MYO1E: variants seen among roughly 807,000 people sequenced by gnomAD.
MYO1E encodes unconventional myosin-Ie.
In MYO1E, 68 loss-of-function variants were observed where a neutral mutation model predicts 151.1. The ratio of observed to expected loss-of-function variants is 0.45; its 90% CI spans 0.37 to 0.55. MYO1E has a LOEUF of 0.55. Among genes scored for constraint, MYO1E ranks in the 20% least tolerant of loss-of-function variants. MYO1E has a pLI of 0.00. For synonymous variants in MYO1E, 601 were observed against 501.7 expected (o/e 1.20, Z -2.64); for missense variants, 1,363 against 1,389.3 (o/e 0.98, Z 0.30).
At chr15:59,230,320 T>C (rs1325159271) in intron 6 of MYO1E, among the ~76,000 whole-genome samples, 5 of 151,906 alleles carry the variant, frequency 3.3e-5, no homozygotes, top group African/African-American at 7.2e-5. Flanking sequence ...AATTTTGCAA[T>C]TAGAAAAATA....
chr15:59,150,963 T>C (rs1028458497), intron 26 of MYO1E, among the ~76,000 whole-genome samples: 7 of 145,242 alleles, frequency 4.8e-5, no homozygotes, highest in Non-Finnish European at 7.6e-5. Context: ...TGGTGGGATA[T>C]AGCTACTTAC....
intron 7 of MYO1E, among the ~76,000 whole-genome samples, chr15:59,225,795 C>T (rs1408190335): frequency 1.3e-5 from 2 of 152,042 alleles, no homozygotes; most frequent in Non-Finnish European, 2.9e-5. Flanking sequence ...TACAGGCGCC[C>T]ACCACCACGG....
At chr15:59,229,404 A>T (rs2080012107) in intron 6 of MYO1E, among the ~76,000 whole-genome samples, 1 of 152,236 alleles carries the variant, frequency 6.6e-6, no homozygotes, top group Admixed American at 6.5e-5. Flanking sequence ...CTCTAACATA[A>T]TAAAATGCAT....
At chr15:59,298,603 C>T (rs1310743772) in intron 1 of MYO1E, among the ~76,000 whole-genome samples, 3 of 152,286 alleles carry the variant, frequency 2.0e-5, no homozygotes, top group Non-Finnish European at 4.4e-5. Context: ...GTGAACCTCA[C>T]CCCTGCTCCA....
intron 18 of MYO1E, among the ~76,000 whole-genome samples, chr15:59,186,237 T>A (rs1596356699): frequency 6.6e-6 from 1 of 152,180 alleles, no homozygotes; most frequent in Non-Finnish European, 1.5e-5. Context: ...TCTGACGCTT[T>A]ATTATACAAA....
At chr15:59,209,534 G>A (rs1195740629) in intron 13 of MYO1E, among the ~76,000 whole-genome samples, 1 of 151,948 alleles carries the variant, frequency 6.6e-6, no homozygotes, top group African/African-American at 2.4e-5. Context: ...AAATTAGCCA[G>A]GTGTGGTGGT....
At position 59,133,662 on chromosome 15, in the gene MYO1E, C is replaced by T. The variant is rs1041673281; in HGVS notation, c.*3718G>A. The T allele has an allele frequency of 5.3e-5, 8 of 152,176 alleles. No homozygotes were observed. The highest frequency in any genetic ancestry group is 5.9e-5 in the Non-Finnish European group (4 of 68,062). The allele number at this position is 152,176 out of a possible 1,614,324, so 9.4% of individuals were successfully genotyped here. A position where few individuals can be genotyped will look rare whatever the true frequency, so the allele number is the denominator to read the frequency against. ...TTGCAGAAAGGCTCCTCTGGTCTTT[C>T]TTTTGATCACAAAAGTGAGGGGTGC... is the stretch of plus-strand genomic sequence containing the variant. On this transcript the variant is annotated 3_prime_UTR_variant, in exon 28 of 28. Coordinates refer to ENST00000288235, the MANE Select transcript of MYO1E (RefSeq NM_004998.4).
intron 1 of MYO1E, among the ~76,000 whole-genome samples, chr15:59,324,614 C>A (rs2140419101): frequency 6.6e-6 from 1 of 151,580 alleles, no homozygotes; most frequent in South Asian, 2.1e-4. Flanking sequence ...CTCCCTGAAA[C>A]CCAGGTGGGA....
At chr15:59,323,770 G>A (rs1306042252) in intron 1 of MYO1E, among the ~76,000 whole-genome samples, 1 of 152,144 alleles carries the variant, frequency 6.6e-6, no homozygotes, top group Non-Finnish European at 1.5e-5. Context: ...GAGGGGAGGA[G>A]GACCTGGAAG....
rs1291124805 is a variant in MYO1E, at chr15:59,372,479, C to G, written c.3+19G>C. 6.5e-7 allele frequency: 1 copy of G among 1,538,526 alleles called. No homozygotes were observed. The highest frequency in any genetic ancestry group is 1.4e-5 in the African/African-American group (1 of 72,780). On this transcript the variant is annotated intron_variant, in intron 1 of 27. Transcript: ENST00000288235. ...CGTCCCCGGGTCCGGCGTCCTAGGA[C>G]GCGGCGCGGCCAACTCACCATGGTG...
At chr15:59,292,672 C>A (rs1274990369) in intron 1 of MYO1E, among the ~76,000 whole-genome samples, 1 of 152,190 alleles carries the variant, frequency 6.6e-6, no homozygotes, top group Admixed American at 6.6e-5. Flanking sequence ...GCTGTAGTAA[C>A]CTTCACTATG....
At chr15:59,268,069 G>A (rs2080267051) in intron 2 of MYO1E, among the ~76,000 whole-genome samples, 1 of 152,206 alleles carries the variant, frequency 6.6e-6, no homozygotes, top group Admixed American at 6.5e-5. Flanking sequence ...ATAACTCAAT[G>A]TGAAATCAAG....
In MYO1E at chr15:59,257,521, C is replaced by CTTACTTAATCCATCTTT. The variant is rs573154074; in HGVS notation, c.238-1144_238-1143insAAAGATGGATTAAGTAA. Among the ~76,000 whole-genome samples, 136 of 152,322 alleles carry CTTACTTAATCCATCTTT rather than the reference C, an allele frequency of 8.9e-4. 2 individuals are homozygous for CTTACTTAATCCATCTTT. In the East Asian group the frequency reaches 0.019, roughly 21 times the overall value. ...AGTGATATACAAAGGTGAAGCTTAACGTACTTAATCCATCTTTGGATTAAT... is the reference window on the plus strand; with the variant it reads ...AGTGATATACAAAGGTGAAGCTTAACTTACTTAATCCATCTTTGTACTTAATCCATCTTTGGATTAAT... On this transcript the variant is annotated intron_variant, in intron 3 of 27. Transcript: ENST00000288235.
Position 59,195,357 on chromosome 15 carries a change from C to A in MYO1E, c.1805+104G>T, listed in dbSNP as rs576052564. 3.0e-6 allele frequency: 3 copies of A among 994,510 alleles called. No homozygotes were observed. In the South Asian group the frequency reaches 3.9e-5, roughly 13 times the overall value. The allele number at this position is 994,510 out of a possible 1,614,324, so 61.6% of individuals were successfully genotyped here. A position where few individuals can be genotyped will look rare whatever the true frequency, so the allele number is the denominator to read the frequency against. On this transcript the variant is annotated intron_variant, in intron 17 of 27. Coordinates refer to ENST00000288235, the MANE Select transcript of MYO1E (RefSeq NM_004998.4). The stretch of plus-strand genomic sequence containing the variant: ...TTAAGATGCAAGGGCATGACAAAGA[C>A]ATGTGCGGACAACTGACACTGCTCC...
chr15:59,357,813 T>C (rs961954547), intron 1 of MYO1E, among the ~76,000 whole-genome samples: 1 of 151,928 alleles, frequency 6.6e-6, no homozygotes, highest in Admixed American at 6.6e-5. Context: ...AAAAGAAGAA[T>C]TAGACTGACG....
At chr15:59,236,905 T>G (rs1488295722) in intron 4 of MYO1E, among the ~76,000 whole-genome samples, 2 of 152,228 alleles carry the variant, frequency 1.3e-5, no homozygotes, top group African/African-American at 4.8e-5. Context: ...ATTACCACTG[T>G]GCACACCACT....
At chr15:59,214,528 T>C (rs776510323) in intron 11 of MYO1E, 112 bp downstream of exon 11, 3 of 1,121,182 alleles carry the variant, frequency 2.7e-6, no homozygotes, top group African/African-American at 1.5e-5. Flanking sequence ...TTTTTTTTGT[T>C]GTTGTGGTTT....
At chr15:59,317,134 A>G (rs1417774061) in intron 1 of MYO1E, among the ~76,000 whole-genome samples, 3 of 152,044 alleles carry the variant, frequency 2.0e-5, no homozygotes, top group African/African-American at 7.2e-5. Context: ...CCATCCATCT[A>G]CTCGATAAAT....
chr15:59,356,192 T>G (rs1455909883), intron 1 of MYO1E, among the ~76,000 whole-genome samples: 5 of 152,192 alleles, frequency 3.3e-5, no homozygotes, highest in African/African-American at 1.2e-4. Flanking sequence ...GACTGCAGAT[T>G]GCTTTCTACT....
Sources: allele counts gnomAD v4.1 joint callset (sites outside exome capture counted in the v4.1 genomes callset), GRCh38; gene constraint gnomAD v4.1.1; transcripts MANE v1.5; gene names NCBI Gene and HGNC (gene_info 2026-07-23, HGNC 2026-07-21).